The following PDE4D variants were observed in gnomAD, a reference collection of about 807,000 sequenced individuals.
PDE4D encodes the protein phosphodiesterase 4D.
A neutral mutation model predicts 87.4 loss-of-function variants in PDE4D; 24 were observed. The ratio of observed to expected loss-of-function variants is 0.27; its 90% CI spans 0.20 to 0.39. The LOEUF (loss-of-function observed/expected upper bound fraction) is 0.39. Among genes scored for constraint, PDE4D ranks in the 10% least tolerant of loss-of-function variants. The pLI is 1.00. For synonymous variants in PDE4D, 384 were observed against 383.2 expected (o/e 1.00, Z -0.02); for missense variants, 714 against 1,041.0 (o/e 0.69, Z 4.32).
At chr5:60,405,526 G>A (rs1368914583) in intron 1 of PDE4D, among the ~76,000 whole-genome samples, 1 of 152,182 alleles carries the variant, frequency 6.6e-6, no homozygotes, top group Non-Finnish European at 1.5e-5. Flanking sequence ...GGTGGGCACC[G>A]CTATGCTATA....
At chr5:59,187,194 T>C (rs1743118181) in intron 3 of PDE4D, among the ~76,000 whole-genome samples, 1 of 152,144 alleles carries the variant, frequency 6.6e-6, no homozygotes, top group Non-Finnish European at 1.5e-5. Flanking sequence ...GAAAAATTAG[T>C]TCATCAAAGA....
At position 59,616,918 on chromosome 5, in the gene PDE4D, C is replaced by CATATATATATATATATATATATATAT. The variant is rs55821264; in HGVS notation, c.455+276224_455+276249dup. Reference sequence around the variant, plus strand: ...GTGTATTACTTAGACCTAATAATTACATATATATATATATATATATATATA... The same window carrying CATATATATATATATATATATATATAT: ...GTGTATTACTTAGACCTAATAATTACATATATATATATATATATATATATATATATATATATATATATATATATATA... On this transcript the variant is annotated intron_variant, in intron 1 of 14. Coordinates refer to ENST00000340635, the MANE Select transcript of PDE4D (RefSeq NM_001104631.2). Among the ~76,000 whole-genome samples the CATATATATATATATATATATATATAT allele has an allele frequency of 4.8e-3, 301 of 62,830 alleles. 36 individuals are homozygous for CATATATATATATATATATATATATAT. Among genetic ancestry groups the CATATATATATATATATATATATATAT allele is most frequent in the South Asian group, 8.7e-3 (10 of 1,156 alleles). The allele number at this position is 62,830 out of a possible 152,430, so 41.2% of individuals were successfully genotyped here.
intron 1 of PDE4D, among the ~76,000 whole-genome samples, chr5:59,230,404 G>A (rs1754902192): frequency 6.6e-6 from 1 of 152,098 alleles, no homozygotes; most frequent in South Asian, 2.1e-4. Flanking sequence ...TTTGAGGGAT[G>A]GGTTTTAAAA....
At chr5:59,487,479 T>G (rs184624250) in intron 1 of PDE4D, among the ~76,000 whole-genome samples, 1 of 152,310 alleles carries the variant, frequency 6.6e-6, no homozygotes, top group Non-Finnish European at 1.5e-5. Flanking sequence ...CTGAGTGACC[T>G]TGGACAAGCT....
At chr5:59,920,077 T>C (rs897280692) in intron 3 of PDE4D, among the ~76,000 whole-genome samples, 1 of 152,150 alleles carries the variant, frequency 6.6e-6, no homozygotes, top group African/African-American at 2.4e-5. Context: ...ATAAGTAAAA[T>C]TTAGACAAAA....
chr5:59,013,524 CAAAT>C (rs1434259218), intron 6 of PDE4D, among the ~76,000 whole-genome samples: 1 of 152,176 alleles, frequency 6.6e-6, no homozygotes, highest in Non-Finnish European at 1.5e-5. Flanking sequence ...CACCTCTACA[CAAAT>C]AAACTAGAAA....
At chr5:59,651,517 T>C (rs1344202240) in intron 1 of PDE4D, among the ~76,000 whole-genome samples, 3 of 151,978 alleles carry the variant, frequency 2.0e-5, no homozygotes, top group East Asian at 1.9e-4. Flanking sequence ...TAGGCTTACA[T>C]AGACAGGGAA....
At chr5:59,350,928 C>T (rs1780431197) in intron 1 of PDE4D, among the ~76,000 whole-genome samples, 1 of 152,156 alleles carries the variant, frequency 6.6e-6, no homozygotes, top group Admixed American at 6.6e-5. Context: ...CCAAGGTGAG[C>T]CTGGGTTGTA....
chr5:59,651,800 T>G (rs1472086680), intron 1 of PDE4D, among the ~76,000 whole-genome samples: 1 of 152,186 alleles, frequency 6.6e-6, no homozygotes, highest in Non-Finnish European at 1.5e-5. Flanking sequence ...ACCTGGCATT[T>G]CTCAGTGTCT....
chr5:60,201,332 T>G (rs1741881825), intron 1 of PDE4D, among the ~76,000 whole-genome samples: 1 of 151,706 alleles, frequency 6.6e-6, no homozygotes, highest in Non-Finnish European at 1.5e-5. Context: ...CACACACAAC[T>G]TAAAAACTAG....
chr5:59,548,830 T>A (rs894200016), intron 1 of PDE4D, among the ~76,000 whole-genome samples: 15 of 152,034 alleles, frequency 9.9e-5, no homozygotes, highest in African/African-American at 3.6e-4. Context: ...CTTACAGGAG[T>A]TCACCTAGTT....
At chr5:60,292,700 T>C (rs1752998958) in intron 1 of PDE4D, among the ~76,000 whole-genome samples, 1 of 152,238 alleles carries the variant, frequency 6.6e-6, no homozygotes, top group African/African-American at 2.4e-5. Flanking sequence ...ATTCTTAAAA[T>C]GTAGATGTGT....
chr5:59,095,355 T>G (rs555133246), intron 5 of PDE4D, among the ~76,000 whole-genome samples: 1 of 151,480 alleles, frequency 6.6e-6, no homozygotes, highest in East Asian at 1.9e-4. Context: ...AACCAAAAAC[T>G]AAAAAGATGA....
At chr5:60,448,487 G>A (rs934182411) in intron 1 of PDE4D, 3 of 152,252 alleles carry the variant, frequency 2.0e-5, no homozygotes, top group African/African-American at 7.2e-5. Context: ...AATCACACCA[G>A]CAGGAGGTTT....
At chr5:60,288,957 A>T (rs552981499) in intron 1 of PDE4D, among the ~76,000 whole-genome samples, 8 of 152,310 alleles carry the variant, frequency 5.3e-5, no homozygotes, top group African/African-American at 1.9e-4. Context: ...GCTAATTTTC[A>T]TAATAAACTA....
intron 1 of PDE4D, among the ~76,000 whole-genome samples, chr5:60,433,453 A>C (rs1409719548): frequency 6.6e-6 from 1 of 152,252 alleles, no homozygotes; most frequent in African/African-American, 2.4e-5. Context: ...AGAAAAGGGA[A>C]TATTTATACA....
intron 5 of PDE4D, among the ~76,000 whole-genome samples, chr5:59,132,746 A>T (rs1415366102): frequency 6.6e-6 from 1 of 152,196 alleles, no homozygotes; most frequent in Non-Finnish European, 1.5e-5. Context: ...TGTGGGAAGT[A>T]GCATTCATTT....
intron 1 of PDE4D, among the ~76,000 whole-genome samples, chr5:59,693,139 A>G (rs1170239614): frequency 9.8e-6 from 1 of 102,124 alleles, no homozygotes; most frequent in African/African-American, 2.8e-5. Flanking sequence ...CTGAAATTGT[A>G]TATGTTTTCA....
intron 1 of PDE4D, among the ~76,000 whole-genome samples, chr5:60,198,645 T>A (rs1741559911): frequency 6.6e-6 from 1 of 151,632 alleles, no homozygotes; most frequent in East Asian, 1.9e-4. Context: ...TGTAAGCTTT[T>A]TATTACTTTG....
Sources: gnomAD v4.1 joint callset for allele counts (sites outside exome capture counted in the v4.1 genomes callset) on GRCh38, gnomAD v4.1.1 for gene constraint, MANE v1.5 for transcripts, NCBI Gene and HGNC (gene_info 2026-07-23, HGNC 2026-07-21) for gene names.